The following ITK variants were observed in gnomAD, a reference collection of about 807,000 sequenced individuals.
ITK encodes the protein IL2 inducible T cell kinase.
In ITK, 45 loss-of-function variants were observed where a neutral mutation model predicts 87.6. The observed-to-expected ratio is 0.51, with a 90% CI of 0.40 to 0.66. The LOEUF is 0.66. Among genes scored for constraint, ITK ranks in the 30% least tolerant of loss-of-function variants. The pLI, the probability that ITK is intolerant of heterozygous loss-of-function variation, is 0.00. For missense variants in ITK, 605 were observed against 766.3 expected, an observed-to-expected ratio of 0.79 and a Z score of 2.48; for synonymous variants, 303 against 273.6, an observed-to-expected ratio of 1.11 and a Z score of -1.06.
At chr5:157,219,366 A>AATT (rs1487237754) in intron 5 of ITK, among the ~76,000 whole-genome samples, 1 of 151,474 alleles carries the variant, frequency 6.6e-6, no homozygotes, top group African/African-American at 2.4e-5. Context: ...ACCCACTTCA[A>AATT]CCTCCCAAAG....
chr5:157,252,937 C>A lies in ITK; in HGVS notation c.*259C>A. On this transcript the variant is annotated 3_prime_UTR_variant, in exon 17 of 17. Coordinates refer to ENST00000422843, the MANE Select transcript of ITK (RefSeq NM_005546.4). ...CTCTGCCCTTCCTCTAGCCTCTTGT[C>A]ACATGTGGTGCACAAACCTCAACCT... 1 of 536,758 alleles carries A rather than the reference C, an allele frequency of 1.9e-6. No individual in the cohort carries two copies. The highest frequency in any genetic ancestry group is 3.4e-6 in the Non-Finnish European group (1 of 295,064). The allele number at this position is 536,758 out of a possible 1,614,324, so 33.2% of individuals were successfully genotyped here. A position where few individuals can be genotyped will look rare whatever the true frequency, so the allele number is the denominator to read the frequency against.
Position 157,181,095 on chromosome 5 carries a change from T to A in ITK, c.118T>A (p.Tyr40Asn). Reference sequence around the variant, plus strand: ...TGTGTTAACCAAAGCCAGCCTGGCATACTTTGAAGATCGTCATGGGGTATG... The same window carrying A: ...TGTGTTAACCAAAGCCAGCCTGGCAAACTTTGAAGATCGTCATGGGGTATG... The part of the protein sequence containing the change: ...FFVLTKASLA[Y>N]FEDRHGKKRT... Residue 40 changes from tyrosine (Y) to asparagine (N), a missense_variant, in exon 1 of 17, where the codon TAC (tyrosine) becomes AAC (asparagine). This residue lies in a region of ITK where 464 missense variants were observed against 578.0 expected (regional missense o/e 0.80). Coordinates refer to ENST00000422843, the MANE Select transcript of ITK (RefSeq NM_005546.4). 1.2e-6 allele frequency: 2 copies of A among 1,614,092 alleles called. No homozygotes were observed. The highest frequency in any genetic ancestry group is 1.7e-6 in the Non-Finnish European group (2 of 1,179,898).
intron 1 of ITK, among the ~76,000 whole-genome samples, chr5:157,194,106 T>C (rs1753806307): frequency 6.6e-6 from 1 of 152,152 alleles, no homozygotes. Flanking sequence ...CCCTATACTT[T>C]GCTCCTACAT....
At chr5:157,243,826 T>C in intron 12 of ITK, 32 bp downstream of exon 12, 3 of 1,600,872 alleles carry the variant, frequency 1.9e-6, no homozygotes, top group South Asian at 1.1e-5. Context: ...ATGCAGAAAC[T>C]CTGGGGGGAA....
intron 6 of ITK, among the ~76,000 whole-genome samples, chr5:157,225,063 C>G (rs1441323581): frequency 2.6e-5 from 4 of 151,918 alleles, no homozygotes; most frequent in Admixed American, 2.6e-4. Flanking sequence ...GGCACTCTCA[C>G]AGTTCACTGC....
chr5:157,233,130 C>G (rs1487915907), intron 8 of ITK, among the ~76,000 whole-genome samples: 2 of 152,148 alleles, frequency 1.3e-5, no homozygotes, highest in Non-Finnish European at 2.9e-5. Context: ...GTCACCAACT[C>G]ATTGGGTGAC....
intron 8 of ITK, among the ~76,000 whole-genome samples, chr5:157,237,465 C>T (rs1298039332): frequency 2.0e-5 from 3 of 152,134 alleles, no homozygotes; most frequent in Non-Finnish European, 4.4e-5. Flanking sequence ...TCAATAGAAA[C>T]CCAAATCTCA....
intron 11 of ITK, 91 bp from the exon 12 acceptor site, chr5:157,243,532 A>C: frequency 9.5e-7 from 1 of 1,054,742 alleles, no homozygotes; most frequent in Non-Finnish European, 1.5e-6. Flanking sequence ...AATAGGCTAA[A>C]ATTCTAGTTA....
intron 8 of ITK, 143 bp downstream of exon 8, chr5:157,232,537 G>A: frequency 2.2e-6 from 1 of 464,140 alleles, no homozygotes; most frequent in South Asian, 1.7e-5. Flanking sequence ...AGCTATCATT[G>A]TACCACTGCA....
chr5:157,238,304 T>C, intron 9 of ITK, 113 bp downstream of exon 9: 1 of 817,296 alleles, frequency 1.2e-6, no homozygotes, highest in South Asian at 1.4e-5. Context: ...TCACTAGAAA[T>C]GGTCTGTTTT....
intron 1 of ITK, among the ~76,000 whole-genome samples, chr5:157,207,568 G>GT (rs1294683998): frequency 6.6e-6 from 1 of 151,388 alleles, no homozygotes; most frequent in African/African-American, 2.4e-5. Flanking sequence ...TTTAGTAGAG[G>GT]TGGGGTTTCA....
Position 157,217,613 on chromosome 5 carries a change from C to T in ITK, c.455-254C>T, listed in dbSNP as rs152112. On this transcript the variant is annotated intron_variant, in intron 4 of 16. Coordinates refer to ENST00000422843, the MANE Select transcript of ITK (RefSeq NM_005546.4). ...TGGGAATACAGAAAGAGAGGGCCCC[C>T]GAATATGGACTTCTGGAAGCTTCTG... Among the ~76,000 whole-genome samples, 37,036 of 151,962 alleles carry T rather than the reference C, an allele frequency of 0.24. 5,190 individuals carry two copies. Among genetic ancestry groups the T allele is most frequent in the Admixed American group, 0.31 (4,764 of 15,278 alleles).
At chr5:157,222,799 T>A in intron 5 of ITK, 64 bp from the exon 6 acceptor site, 2 of 1,533,088 alleles carry the variant, frequency 1.3e-6, no homozygotes, top group South Asian at 1.1e-5. Flanking sequence ...GACACCCCGA[T>A]GAAAGGAGGC....
intron 1 of ITK, among the ~76,000 whole-genome samples, chr5:157,203,015 C>T (rs1337116990): frequency 6.6e-6 from 1 of 152,188 alleles, no homozygotes; most frequent in Non-Finnish European, 1.5e-5. Context: ...GCCCTGGCTG[C>T]TTGCTCTACC....
chr5:157,250,433 G>A (rs1428920244), intron 16 of ITK, among the ~76,000 whole-genome samples: 1 of 151,600 alleles, frequency 6.6e-6, no homozygotes, highest in East Asian at 1.9e-4. Flanking sequence ...TCCATTGTAT[G>A]GATATATCAT....
intron 1 of ITK, among the ~76,000 whole-genome samples, chr5:157,183,897 G>A (rs898231357): frequency 1.3e-5 from 2 of 152,080 alleles, no homozygotes; most frequent in Non-Finnish European, 2.9e-5. Context: ...TAGAAATCAA[G>A]TATGTTTATT....
At chr5:157,228,039 G>A (rs1295891565) in intron 6 of ITK, among the ~76,000 whole-genome samples, 1 of 151,508 alleles carries the variant, frequency 6.6e-6, no homozygotes, top group Non-Finnish European at 1.5e-5. Context: ...CAGGGTTTCA[G>A]CATATTGGCC....
intron 7 of ITK, among the ~76,000 whole-genome samples, chr5:157,231,456 G>T (rs1351851485): frequency 6.6e-6 from 1 of 152,196 alleles, no homozygotes; most frequent in Admixed American, 6.5e-5. Flanking sequence ...AAGAGCCCAT[G>T]TTGGTGTCAT....
chr5:157,248,555 C>A (rs1755068076), intron 15 of ITK, among the ~76,000 whole-genome samples: 1 of 152,192 alleles, frequency 6.6e-6, no homozygotes, highest in Non-Finnish European at 1.5e-5. Context: ...ACCTCCTGCA[C>A]TCCATTCATT....
Sources: gnomAD v4.1 joint callset for allele counts (sites outside exome capture counted in the v4.1 genomes callset) on GRCh38, gnomAD v4.1.1 for gene constraint, gnomAD v4.1.1 regional missense constraint, MANE v1.5 for transcripts, NCBI Gene and HGNC (gene_info 2026-07-23, HGNC 2026-07-21) for gene names.